RAB10: variants seen among roughly 807,000 people sequenced by gnomAD.
RAB10 encodes RAB10, member RAS oncogene family.
A neutral mutation model predicts 25.7 loss-of-function variants in RAB10; 5 were observed. That is an observed-to-expected ratio of 0.19 (90% CI 0.10 to 0.41). The LOEUF is 0.41. Ranked by LOEUF, RAB10 falls within the 10% of genes least tolerant of loss-of-function variation. The pLI is 1.00. For synonymous variants in RAB10, 89 were observed against 86.4 expected, an observed-to-expected ratio of 1.03 and a Z score of -0.16; for missense variants, 103 against 245.8, an observed-to-expected ratio of 0.42 and a Z score of 3.89.
intron 1 of RAB10, among the ~76,000 whole-genome samples, chr2:26,091,026 G>A (rs1046526398): frequency 3.7e-4 from 56 of 152,102 alleles, no homozygotes; most frequent in African/African-American, 1.3e-3. Flanking sequence ...GTAGAAAAGG[G>A]TGGGGCTTGT....
intron 1 of RAB10, among the ~76,000 whole-genome samples, chr2:26,080,786 C>G (rs868093861): frequency 2.4e-4 from 36 of 152,126 alleles, no homozygotes; most frequent in African/African-American, 8.5e-4. Context: ...AGGCGCTTGA[C>G]TCCCAAGAAA....
chr2:26,125,233 G>A (rs945078838), intron 3 of RAB10, among the ~76,000 whole-genome samples: 1 of 151,944 alleles, frequency 6.6e-6, no homozygotes, highest in Non-Finnish European at 1.5e-5. Flanking sequence ...GTACACAAAG[G>A]TGTCGGTTTC....
intron 3 of RAB10, among the ~76,000 whole-genome samples, chr2:26,118,657 C>G (rs1333591607): frequency 1.3e-5 from 2 of 152,110 alleles, no homozygotes; most frequent in Non-Finnish European, 2.9e-5. Context: ...TTACATTTGT[C>G]AATATGTGGA....
At chr2:26,063,878 A>C (rs1040455424) in intron 1 of RAB10, among the ~76,000 whole-genome samples, 1 of 152,072 alleles carries the variant, frequency 6.6e-6, no homozygotes, top group Non-Finnish European at 1.5e-5. Context: ...GCTCGCTGCA[A>C]CCTCTGCCTC....
chr2:26,073,035 T>C (rs1666660680), intron 1 of RAB10, among the ~76,000 whole-genome samples: 1 of 152,208 alleles, frequency 6.6e-6, no homozygotes, highest in Non-Finnish European at 1.5e-5. Context: ...ATTGCTTCTA[T>C]GTAATAGATT....
At chr2:26,034,005 A>G (rs985817900), upstream of RAB10, 13 of 398,454 alleles carry the variant, frequency 3.3e-5, no homozygotes, top group Middle Eastern at 6.2e-4. Context: ...GCGCGCCCCC[A>G]TGCCCTCTTG....
intron 1 of RAB10, among the ~76,000 whole-genome samples, chr2:26,045,326 G>C (rs1665978330): frequency 6.6e-6 from 1 of 151,016 alleles, no homozygotes; most frequent in African/African-American, 2.4e-5. Context: ...TGCAAGCTCC[G>C]CCTCCCGGGT....
intron 1 of RAB10, among the ~76,000 whole-genome samples, chr2:26,077,002 TAAAA>T (rs2149272313): frequency 7.0e-6 from 1 of 143,786 alleles, no homozygotes; most frequent in South Asian, 2.2e-4. Context: ...AGCTCAGAAA[TAAAA>T]GAAATGAAGG....
At chr2:26,112,985 G>A (rs901099957) in intron 3 of RAB10, among the ~76,000 whole-genome samples, 6 of 152,114 alleles carry the variant, frequency 3.9e-5, no homozygotes, top group Non-Finnish European at 8.8e-5. Flanking sequence ...AGGAGGCCAA[G>A]GCAGGAGAAT....
chr2:26,098,266 G>A (rs1034904930), intron 1 of RAB10, among the ~76,000 whole-genome samples: 6 of 151,740 alleles, frequency 4.0e-5, no homozygotes, highest in African/African-American at 1.5e-4. Context: ...GACTACAGTT[G>A]TGTGCCACTA....
At position 26,135,777 on chromosome 2, in the gene RAB10, TC is replaced by T; in HGVS notation, c.*758del. The stretch of plus-strand genomic sequence containing the variant: ...CCATTTCTTCTCCTTGGCCACTTCT[TC>T]CTTGCGTCTCCCTGCATGCTGCTTT... On this transcript the variant is annotated 3_prime_UTR_variant, in exon 6 of 6. Coordinates refer to ENST00000264710, the MANE Select transcript of RAB10 (RefSeq NM_016131.5). 1 of 152,700 alleles carries T rather than the reference TC, an allele frequency of 6.5e-6. No individual in the cohort carries two copies. The highest frequency in any genetic ancestry group is 1.5e-5 in the Non-Finnish European group (1 of 68,078). 9.5% of individuals were successfully genotyped at this position (152,700 alleles called of 1,614,324 possible).
intron 3 of RAB10, among the ~76,000 whole-genome samples, chr2:26,118,455 T>G (rs1338429051): frequency 5.1e-4 from 61 of 120,338 alleles, no homozygotes; most frequent in South Asian, 8.9e-4. Flanking sequence ...GGGGTGGGGG[T>G]GGGGAATTAA....
At chr2:26,101,810 G>A (rs1391342085) in intron 2 of RAB10, 3 of 152,224 alleles carry the variant, frequency 2.0e-5, no homozygotes, top group Non-Finnish European at 4.4e-5. Context: ...CAAATCCCTT[G>A]AACCTGGTCC....
rs149731270 is a variant in RAB10 at position 26,051,485 on chromosome 2, C to T, written c.127+16750C>T. 2.3e-4 allele frequency among the ~76,000 whole-genome samples: 34 copies of T among 150,994 alleles called. No homozygotes were observed. In the East Asian group the frequency reaches 4.5e-3, roughly 20 times the overall value. On this transcript the variant is annotated intron_variant, in intron 1 of 5. Coordinates refer to ENST00000264710, the MANE Select transcript of RAB10 (RefSeq NM_016131.5). ...ATTAAAGGCCAGGCGCAGTGGCTCA[C>T]GCCTGTAATCCCCACACTTTGGGAG...
chr2:26,093,707 C>A (rs1471916221), intron 1 of RAB10, among the ~76,000 whole-genome samples: 1 of 152,106 alleles, frequency 6.6e-6, no homozygotes, highest in African/African-American at 2.4e-5. Flanking sequence ...ACATGATGAT[C>A]AGGGATGTCA....
At chr2:26,037,516 G>A (rs944643258) in intron 1 of RAB10, among the ~76,000 whole-genome samples, 5 of 152,030 alleles carry the variant, frequency 3.3e-5, no homozygotes, top group Admixed American at 3.3e-4. Flanking sequence ...GCGCATGCTT[G>A]TAATCCCAGT....
At chr2:26,092,308 TGTGTGTGTGTGTG>T (rs1179862314) in intron 1 of RAB10, among the ~76,000 whole-genome samples, 40 of 65,578 alleles carry the variant, frequency 6.1e-4, no homozygotes, top group Non-Finnish European at 9.3e-4. Context: ...TGTGTGTGTG[TGTGTGTGTGTGTG>T]TTGGGGTGGT....
chr2:26,121,246 G>A (rs781581844), intron 3 of RAB10, among the ~76,000 whole-genome samples: 1 of 152,114 alleles, frequency 6.6e-6, no homozygotes, highest in Non-Finnish European at 1.5e-5. Context: ...ATTCTACTAA[G>A]GGTATCGTCC....
At chr2:26,055,410 G>T (rs1236178668) in intron 1 of RAB10, among the ~76,000 whole-genome samples, 1 of 145,776 alleles carries the variant, frequency 6.9e-6, no homozygotes. Context: ...TTTTTTTTTG[G>T]AGATACTCAC....
Sources: allele counts gnomAD v4.1 joint callset (sites outside exome capture counted in the v4.1 genomes callset), GRCh38; gene constraint gnomAD v4.1.1; transcripts MANE v1.5; gene names NCBI Gene and HGNC (gene_info 2026-07-23, HGNC 2026-07-21).